HMCN1: variants seen among roughly 807,000 people sequenced by gnomAD.
The protein encoded by HMCN1 is hemicentin-1.
In HMCN1, 321 loss-of-function variants were observed where a neutral mutation model predicts 625.9. The ratio of observed to expected loss-of-function variants is 0.51; its 90% CI spans 0.47 to 0.56. The LOEUF is 0.56. HMCN1 is among the 20% of genes least tolerant of loss of function. The pLI, the probability that HMCN1 is intolerant of heterozygous loss-of-function variation, is 0.00. For synonymous variants in HMCN1, 2,425 were observed against 2,417.6 expected (o/e 1.00, Z -0.09); for missense variants, 6,588 against 6,887.3 (o/e 0.96, Z 1.54).
intron 36 of HMCN1, among the ~76,000 whole-genome samples, chr1:186,024,039 TC>T (rs1654896559): frequency 6.6e-6 from 1 of 152,230 alleles, no homozygotes; most frequent in Non-Finnish European, 1.5e-5. Context: ...TTAAAAAGAT[TC>T]AAATCATCAG....
At chr1:185,964,435 A>G (rs1650251490) in intron 13 of HMCN1, among the ~76,000 whole-genome samples, 1 of 152,158 alleles carries the variant, frequency 6.6e-6, no homozygotes, top group Non-Finnish European at 1.5e-5. Context: ...ATAAATCGTG[A>G]ATAATCAATG....
intron 36 of HMCN1, among the ~76,000 whole-genome samples, chr1:186,029,675 C>A (rs966242722): frequency 6.6e-6 from 1 of 151,424 alleles, no homozygotes; most frequent in Non-Finnish European, 1.5e-5. Flanking sequence ...TTCCAAGAAC[C>A]AGCTTTTGGT....
chr1:186,119,351 T>A lies in HMCN1; in HGVS notation c.11956+53T>A, dbSNP rs905936240. The A allele has an allele frequency of 2.3e-6, 3 of 1,278,292 alleles. No individual in the cohort carries two copies. The Admixed American group carries it at 5.0e-5, about 21-fold the overall frequency. The allele number at this position is 1,278,292 out of a possible 1,614,324, so 79.2% of individuals were successfully genotyped here. A position where few individuals can be genotyped will look rare whatever the true frequency, so the allele number is the denominator to read the frequency against. ...GTTCGCTGGGTTTGGGGAGGTTTTT[T>A]AGTCATATTTATTCTGAAAGGTGGT... On this transcript the variant is annotated intron_variant, in intron 78 of 106. Coordinates refer to ENST00000271588, the MANE Select transcript of HMCN1 (RefSeq NM_031935.3).
intron 100 of HMCN1, among the ~76,000 whole-genome samples, chr1:186,169,111 G>T (rs1399636564): frequency 1.3e-5 from 2 of 152,068 alleles, no homozygotes; most frequent in African/African-American, 4.8e-5. Context: ...CCATTTTATG[G>T]CTGCATAGTA....
intron 71 of HMCN1, among the ~76,000 whole-genome samples, chr1:186,109,339 A>T (rs1299683158): frequency 6.6e-6 from 1 of 152,186 alleles, no homozygotes; most frequent in Non-Finnish European, 1.5e-5. Context: ...AACACCAAAC[A>T]TGGAGAGGCC....
intron 3 of HMCN1, among the ~76,000 whole-genome samples, chr1:185,865,159 C>G (rs1251664396): frequency 6.6e-6 from 1 of 152,196 alleles, no homozygotes; most frequent in Non-Finnish European, 1.5e-5. Context: ...GGAGACCTGG[C>G]TTTGCCTCAT....
In HMCN1 at chr1:185,888,375, T is replaced by C. The variant is rs953185757; in HGVS notation, c.622-20962T>C. On this transcript the variant is annotated intron_variant, in intron 4 of 106. Coordinates refer to ENST00000271588, the MANE Select transcript of HMCN1 (RefSeq NM_031935.3). ...TGCTTTTGGTGTTTTAGACATGAAG[T>C]CCTTGCCCATGCGTATGTCCTGAAT... 1.4e-5 allele frequency among the ~76,000 whole-genome samples: 2 copies of C among 144,654 alleles called. 1 individual carries two copies. Among genetic ancestry groups the C allele is most frequent in the African/African-American group, 5.8e-5 (2 of 34,278 alleles). The allele number at this position is 144,654 out of a possible 152,430, so 94.9% of individuals were successfully genotyped here. A position where few individuals can be genotyped will look rare whatever the true frequency, so the allele number is the denominator to read the frequency against.
At chr1:186,085,382 C>T (rs1428501771) in intron 57 of HMCN1, among the ~76,000 whole-genome samples, 2 of 152,120 alleles carry the variant, frequency 1.3e-5, no homozygotes, top group Non-Finnish European at 2.9e-5. Flanking sequence ...CAGGCACCTG[C>T]TTTGTCTTCA....
At chr1:185,992,735 C>A (rs1652513190) in intron 22 of HMCN1, among the ~76,000 whole-genome samples, 1 of 152,132 alleles carries the variant, frequency 6.6e-6, no homozygotes, top group Non-Finnish European at 1.5e-5. Context: ...TAACACAATG[C>A]AATAACATTT....
At chr1:186,014,170 T>C (rs1474947659) in intron 30 of HMCN1, among the ~76,000 whole-genome samples, 1 of 152,064 alleles carries the variant, frequency 6.6e-6, no homozygotes, top group African/African-American at 2.4e-5. Flanking sequence ...AATAGCACTT[T>C]ACCTGTATGG....
intron 89 of HMCN1, among the ~76,000 whole-genome samples, chr1:186,138,199 A>G (rs2102537726): frequency 6.6e-6 from 1 of 152,306 alleles, no homozygotes; most frequent in Admixed American, 6.5e-5. Flanking sequence ...ACTTGAAGAA[A>G]GGGTCCAAAC....
At chr1:186,121,310 T>C (rs1227975880) in intron 80 of HMCN1, among the ~76,000 whole-genome samples, 1 of 152,186 alleles carries the variant, frequency 6.6e-6, no homozygotes, top group African/African-American at 2.4e-5. Context: ...TCCAGGACTC[T>C]CATTTGGTTT....
At chr1:185,839,826 A>G (rs1661375581) in intron 1 of HMCN1, among the ~76,000 whole-genome samples, 3 of 152,188 alleles carry the variant, frequency 2.0e-5, no homozygotes, top group Admixed American at 1.3e-4. Context: ...AATTTTGTTC[A>G]ATGCATATAT....
chr1:185,986,761 G>A (rs1311798994), intron 19 of HMCN1, among the ~76,000 whole-genome samples: 1 of 150,580 alleles, frequency 6.6e-6, no homozygotes, highest in Admixed American at 6.6e-5. Flanking sequence ...GGGAGGCTGT[G>A]GCAGGAGGAT....
chr1:186,186,994 T>TCACACGCACACACACACACACACACA (rs1653358143), intron 105 of HMCN1, among the ~76,000 whole-genome samples: 1 of 134,516 alleles, frequency 7.4e-6, no homozygotes, highest in African/African-American at 2.9e-5. Flanking sequence ...TGTCTCTGTC[T>TCACACGCACACACACACACACACACA]CACACACACA....
chr1:186,047,997 G>A (rs555051528), intron 41 of HMCN1, among the ~76,000 whole-genome samples: 52 of 152,126 alleles, frequency 3.4e-4, no homozygotes, highest in Middle Eastern at 6.8e-3. Context: ...GTCCCATACT[G>A]CTTGTTATAT....
chr1:185,856,099 A>G (rs1422429892), intron 2 of HMCN1, among the ~76,000 whole-genome samples: 4 of 152,186 alleles, frequency 2.6e-5, no homozygotes, highest in African/African-American at 9.7e-5. Context: ...ATTTGATTCA[A>G]TGTAATTTAA....
At chr1:186,159,395 A>G (rs1180470525) in intron 97 of HMCN1, among the ~76,000 whole-genome samples, 3 of 152,114 alleles carry the variant, frequency 2.0e-5, no homozygotes, top group Admixed American at 1.3e-4. Context: ...TCTTTTCCTA[A>G]TTGAATGCCC....
intron 93 of HMCN1, among the ~76,000 whole-genome samples, chr1:186,149,386 G>T (rs1191930131): frequency 6.6e-6 from 1 of 152,064 alleles, no homozygotes; most frequent in African/African-American, 2.4e-5. Context: ...TACTTAAATG[G>T]CTTCTGTCCT....
Sources: allele counts gnomAD v4.1 joint callset (sites outside exome capture counted in the v4.1 genomes callset), GRCh38; gene constraint gnomAD v4.1.1; transcripts MANE v1.5; gene names NCBI Gene and HGNC (gene_info 2026-07-23, HGNC 2026-07-21).